Variants in ZHX2 observed in about 807,000 individuals in gnomAD.
ZHX2 encodes zinc fingers and homeoboxes 2.
In ZHX2, 6 loss-of-function variants were observed where a neutral mutation model predicts 21.9. The observed-to-expected ratio is 0.27, with a 90% CI of 0.15 to 0.54. The LOEUF (loss-of-function observed/expected upper bound fraction) is 0.54. Among genes scored for constraint, ZHX2 ranks in the 20% least tolerant of loss-of-function variants. The pLI is 0.95. For missense variants in ZHX2, 908 were observed against 1,090.7 expected, an observed-to-expected ratio of 0.83 and a Z score of 2.36; for synonymous variants, 434 against 437.1, an observed-to-expected ratio of 0.99 and a Z score of 0.09.
chr8:122,790,513 C>A lies in ZHX2; in HGVS notation c.-283+8567C>A, dbSNP rs143036643. ...ACAACATCTGCTGCCCATTGTCATG[C>A]TAGCCCTCACTGACATCACAGGCAC... On this transcript the variant is annotated intron_variant, in intron 1 of 3. Transcript: ENST00000314393. Among the ~76,000 whole-genome samples, 254 of 152,302 alleles carry A rather than the reference C, an allele frequency of 1.7e-3. 1 individual carries two copies. The highest frequency in any genetic ancestry group is 0.01 in the Middle Eastern group (3 of 294).
intron 2 of ZHX2, among the ~76,000 whole-genome samples, chr8:122,934,351 G>C (rs1425541989): frequency 6.6e-6 from 1 of 152,162 alleles, no homozygotes; most frequent in East Asian, 1.9e-4. Context: ...TTGACATTGA[G>C]AACAGACAGC....
intron 2 of ZHX2, among the ~76,000 whole-genome samples, chr8:122,924,069 T>G (rs1820797386): frequency 6.6e-6 from 1 of 152,202 alleles, no homozygotes; most frequent in South Asian, 2.1e-4. Flanking sequence ...GAAAGAAAGA[T>G]TCCTGCTTTG....
At chr8:122,970,869 G>A (rs1813703400) in intron 3 of ZHX2, among the ~76,000 whole-genome samples, 1 of 152,176 alleles carries the variant, frequency 6.6e-6, no homozygotes, top group South Asian at 2.1e-4. Flanking sequence ...GGGTGCCCCA[G>A]CCCCCTACCT....
intron 3 of ZHX2, among the ~76,000 whole-genome samples, chr8:122,962,106 T>C (rs550702193): frequency 3.9e-5 from 6 of 152,280 alleles, no homozygotes; most frequent in African/African-American, 1.4e-4. Flanking sequence ...ATGTGCTGAC[T>C]CATCTCATTC....
chr8:122,876,654 C>T (rs76218216), intron 2 of ZHX2, among the ~76,000 whole-genome samples: 2,427 of 152,256 alleles, frequency 0.016, 47 homozygotes, highest in African/African-American at 0.054. Context: ...TCCACGAGGA[C>T]GGGGTAGCGT....
chr8:122,970,806 G>A (rs1241398401), intron 3 of ZHX2, among the ~76,000 whole-genome samples: 1 of 152,196 alleles, frequency 6.6e-6, no homozygotes, highest in East Asian at 1.9e-4. Context: ...TGCCAACCCA[G>A]GGAGTGCATG....
At chr8:122,912,510 G>C (rs974261166) in intron 2 of ZHX2, among the ~76,000 whole-genome samples, 16 of 152,174 alleles carry the variant, frequency 1.1e-4, no homozygotes, top group Admixed American at 8.5e-4. Context: ...ACCCCTAGTA[G>C]CACAGATCCT....
In ZHX2 at chr8:122,951,322, G is replaced by A. The variant is rs1484555424; in HGVS notation, c.-189G>A. 3 of 594,544 alleles carry A rather than the reference G, an allele frequency of 5.0e-6. No individual in the cohort carries two copies. Among genetic ancestry groups the A allele is most frequent in the Non-Finnish European group, 8.9e-6 (3 of 337,154 alleles). 36.8% of individuals were successfully genotyped at this position (594,544 alleles called of 1,614,324 possible). On this transcript the variant is annotated 5_prime_UTR_variant, in exon 3 of 4. The change creates a premature stop within an existing upstream ORF in the 5' untranslated region. Transcript: ENST00000314393. ...ATGCTTCCTGGTGTGTTTAGTGGTT[G>A]GTGCCATTCCAATTTTCTGTGCTGA...
chr8:122,922,865 G>A (rs1184088647), intron 2 of ZHX2, among the ~76,000 whole-genome samples: 1 of 152,234 alleles, frequency 6.6e-6, no homozygotes, highest in South Asian at 2.1e-4. Flanking sequence ...GCATAGAGCT[G>A]TTAGTAATAT....
intron 3 of ZHX2, among the ~76,000 whole-genome samples, chr8:122,964,829 T>G (rs1303450920): frequency 6.6e-6 from 1 of 152,124 alleles, no homozygotes; most frequent in Non-Finnish European, 1.5e-5. Context: ...TACTTGTTAT[T>G]TGTCTGTTAA....
chr8:122,971,215 G>T (rs1019308717), intron 3 of ZHX2, among the ~76,000 whole-genome samples: 3 of 151,780 alleles, frequency 2.0e-5, no homozygotes, highest in Admixed American at 6.6e-5. Flanking sequence ...GGAGAGTCAT[G>T]ATCATTCTTG....
At chr8:122,950,985 TC>T (rs2130269889) in intron 2 of ZHX2, among the ~76,000 whole-genome samples, 1 of 152,240 alleles carries the variant, frequency 6.6e-6, no homozygotes, top group African/African-American at 2.4e-5. Flanking sequence ...CATCTGCGAC[TC>T]CCTCTCACCG....
chr8:122,897,505 T>C (rs901224634), intron 2 of ZHX2, among the ~76,000 whole-genome samples: 7 of 152,232 alleles, frequency 4.6e-5, no homozygotes, highest in South Asian at 2.1e-4. Flanking sequence ...TTTGGATTTA[T>C]CCCTTGCAGA....
intron 1 of ZHX2, among the ~76,000 whole-genome samples, chr8:122,826,484 C>T (rs1818268539): frequency 6.6e-6 from 1 of 152,312 alleles, no homozygotes; most frequent in Admixed American, 6.5e-5. Flanking sequence ...AGTTCATTTT[C>T]CTTCCTTACA....
intron 1 of ZHX2, among the ~76,000 whole-genome samples, chr8:122,787,147 C>A (rs1817412732): frequency 6.6e-6 from 1 of 151,496 alleles, no homozygotes; most frequent in South Asian, 2.1e-4. Context: ...ACAGTCCTGA[C>A]AACAGTATAT....
intron 2 of ZHX2, among the ~76,000 whole-genome samples, chr8:122,915,594 G>A (rs1297842982): frequency 3.9e-5 from 6 of 152,248 alleles, no homozygotes; most frequent in South Asian, 4.2e-4. Context: ...TTGGCTTCAC[G>A]CTGCAAGAAA....
At chr8:122,805,229 G>A (rs796315056) in intron 1 of ZHX2, among the ~76,000 whole-genome samples, 3 of 152,298 alleles carry the variant, frequency 2.0e-5, no homozygotes, top group African/African-American at 7.2e-5. Flanking sequence ...TCAAGCAGGT[G>A]GGGAGCTCTG....
At chr8:122,896,756 T>G (rs1820109988) in intron 2 of ZHX2, among the ~76,000 whole-genome samples, 1 of 152,206 alleles carries the variant, frequency 6.6e-6, no homozygotes, top group Non-Finnish European at 1.5e-5. Flanking sequence ...CTCCCTGTGT[T>G]CCTGGTCTAA....
chr8:122,798,644 G>T (rs1480921027), intron 1 of ZHX2, among the ~76,000 whole-genome samples: 1 of 152,126 alleles, frequency 6.6e-6, no homozygotes, highest in East Asian at 1.9e-4. Context: ...TTAGCTGGGC[G>T]TGGTAGTATG....
Sources: allele counts gnomAD v4.1 joint callset (sites outside exome capture counted in the v4.1 genomes callset), GRCh38; gene constraint gnomAD v4.1.1; transcripts MANE v1.5; gene names NCBI Gene and HGNC (gene_info 2026-07-23, HGNC 2026-07-21).